SYNC: variants seen among roughly 807,000 people sequenced by gnomAD.
The protein encoded by SYNC is syncoilin, intermediate filament protein, also known as syncoilin.
Under a neutral mutation model 49.5 loss-of-function variants are expected in SYNC, and 38 were observed. The observed-to-expected ratio is 0.77, with a 90% confidence interval of 0.59 to 1.01. The LOEUF (loss-of-function observed/expected upper bound fraction) is 1.01. Ranked by LOEUF, SYNC falls within the 50% of genes least tolerant of loss-of-function variation. SYNC has a pLI of 0.00. For missense variants in SYNC, 579 were observed against 580.6 expected (o/e 1.00, Z 0.03); for synonymous variants, 201 against 230.8 (o/e 0.87, Z 1.17).
chr1:32,695,170 G>A lies in SYNC; in HGVS notation c.928C>T (p.Pro310Ser), dbSNP rs1462161287. 1 of 1,584,056 alleles carries A rather than the reference G, an allele frequency of 6.3e-7. No homozygotes were observed. The highest frequency in any genetic ancestry group is 8.6e-7 in the Non-Finnish European group (1 of 1,164,848). Residue 310 changes from proline to serine, a missense_variant, in exon 2 of 5, where the codon CCA (proline) becomes TCA (serine). By Grantham distance (74) the Pro-to-Ser change is moderately conservative. Coordinates refer to ENST00000409190, the MANE Select transcript of SYNC (RefSeq NM_030786.3). ...EQLRQQLEAP[P>S]SQRDGHFLQE... The stretch of plus-strand genomic sequence containing the variant: ...AGAAAGTGCCCATCCCTCTGGCTTG[G>A]AGGGGCTTCTAGTTGTTGCCGCAGC...
At chr1:32,694,326 C>T (rs969267061) in intron 2 of SYNC, among the ~76,000 whole-genome samples, 1 of 151,044 alleles carries the variant, frequency 6.6e-6, no homozygotes, top group Non-Finnish European at 1.5e-5. Context: ...GCCACTGCAC[C>T]AGCCTAAGTG....
In SYNC at chr1:32,695,762, G is replaced by A. The variant is rs970946357; in HGVS notation, c.336C>T (p.Thr112=). 7 of 1,551,470 alleles carry A rather than the reference G, an allele frequency of 4.5e-6. No homozygotes were observed. The African/African-American group carries it at 9.6e-5, about 21-fold the overall frequency. Reference sequence around the variant, plus strand: ...CAAACTGTATCCGATCTGGCTCCGTGGTTTCCTCCACACACACTGTCTCCT... The same window carrying A: ...CAAACTGTATCCGATCTGGCTCCGTAGTTTCCTCCACACACACTGTCTCCT... The part of the protein sequence containing the change: ...NPEETVCVEE[T]TEPDRIQFVE... The change falls in exon 2 of 5, where the codon ACC becomes ACT. Residue 112 remains threonine, a synonymous_variant. Transcript: ENST00000409190.
At chr1:32,684,222 G>GTA in intron 3 of SYNC, 36 bp downstream of exon 3, 1 of 1,613,582 alleles carries the variant, frequency 6.2e-7, no homozygotes, top group African/African-American at 1.3e-5. Flanking sequence ...CCCTCAGCCA[G>GTA]TATTAGATGA....
chr1:32,695,880 A>C lies in SYNC; in HGVS notation c.218T>G (p.Val73Gly). ...CTCCTCTGCCTTCTCAGTCTCTTGC[A>C]CATAGAGTGTCTCATCAAGGTCACC... ...DTGDLDETLY[V>G]QETEKAEEAL... Residue 73 changes from valine (V) to glycine (G), a missense_variant, in exon 2 of 5, where the codon GTG (valine) becomes GGG (glycine). Coordinates refer to ENST00000409190, the MANE Select transcript of SYNC (RefSeq NM_030786.3). The C allele has an allele frequency of 6.4e-7, 1 of 1,552,124 alleles. No individual in the cohort carries two copies. Among genetic ancestry groups the C allele is most frequent in the Non-Finnish European group, 8.7e-7 (1 of 1,147,082 alleles).
In SYNC at chr1:32,694,325, C is replaced by T. The variant is rs1650301270; in HGVS notation, c.1233+540G>A. Among the ~76,000 whole-genome samples, 5 of 151,434 alleles carry T rather than the reference C, an allele frequency of 3.3e-5. No individual in the cohort carries two copies. The Admixed American group carries it at 3.3e-4, about 10-fold the overall frequency. ...AGTTAGCTGTGATCATGCCACTGCA[C>T]CAGCCTAAGTGACAGCAAGACCCTG... On this transcript the variant is annotated intron_variant, in intron 2 of 4. Coordinates refer to ENST00000409190, the MANE Select transcript of SYNC (RefSeq NM_030786.3).
Position 32,695,216 on chromosome 1 carries a change from G to A in SYNC, c.882C>T (p.Ala294=). Residue 294 remains alanine, a synonymous_variant, in exon 2 of 5, where the codon GCC becomes GCT. Coordinates refer to ENST00000409190, the MANE Select transcript of SYNC (RefSeq NM_030786.3). ...GCAGCTGCTCCTTCTGCTTCTGATA[G>A]GCATCCCGGAGCTGGGCCAGTTCCT... ...LSEELAQLRD[A]YQKQKEQLRQ... 6.4e-7 allele frequency: 1 copy of A among 1,554,370 alleles called. No homozygotes were observed. The highest frequency in any genetic ancestry group is 1.4e-5 in the African/African-American group (1 of 73,162).
intron 1 of SYNC, among the ~76,000 whole-genome samples, chr1:32,698,767 G>GT (rs1278995523): frequency 3.3e-5 from 5 of 149,468 alleles, no homozygotes; most frequent in Non-Finnish European, 5.9e-5. Flanking sequence ...TCCTGTTTCT[G>GT]TTTTTTTGTT....
Position 32,695,356 on chromosome 1 carries a change from T to C in SYNC, c.742A>G (p.Lys248Glu), listed in dbSNP as rs749178855. The change falls in exon 2 of 5, where the codon AAA (lysine) becomes GAA (glutamate). Residue 248 changes from lysine (K) to glutamate (E), a missense_variant. Physicochemically the swap from Lys to Glu is moderately conservative, Grantham distance 56 (BLOSUM62 1). Transcript: ENST00000409190. ...EIRLVKQKLF[K>E]VTKECVAYQY... ...TAGGCCACACATTCCTTTGTCACTT[T>C]GAAAAGCTTCTGCTTGACCAGCCGG... 7.7e-6 allele frequency: 12 copies of C among 1,551,564 alleles called. No individual in the cohort carries two copies. Among genetic ancestry groups the C allele is most frequent in the Non-Finnish European group, 1.0e-5 (12 of 1,147,062 alleles).
At position 32,681,457 on chromosome 1, in the gene SYNC, C is replaced by A. The variant is rs1649430832; in HGVS notation, c.*393G>T. The A allele has an allele frequency of 4.9e-6, 1 of 204,798 alleles. No homozygotes were observed. Among genetic ancestry groups the A allele is most frequent in the Admixed American group, 5.8e-5 (1 of 17,174 alleles). The allele number at this position is 204,798 out of a possible 1,614,324, so 12.7% of individuals were successfully genotyped here. On this transcript the variant is annotated 3_prime_UTR_variant, in exon 5 of 5. Transcript: ENST00000409190. ...CTATCTTTTTGACCCCACATGTGCC[C>A]CTCAAAAATGTTTTTGGTTTGGGTC...
At chr1:32,684,584 C>T (rs530801144) in intron 2 of SYNC, 13 of 684,820 alleles carry the variant, frequency 1.9e-5, no homozygotes, top group Middle Eastern at 3.8e-4. Flanking sequence ...AAAATGATGA[C>T]GAAAAAGGCA....
intron 1 of SYNC, among the ~76,000 whole-genome samples, chr1:32,697,977 CT>C (rs1356069140): frequency 6.6e-6 from 1 of 152,130 alleles, no homozygotes; most frequent in African/African-American, 2.4e-5. Flanking sequence ...AATGCCAGCA[CT>C]TTGGGAGGCC....
At position 32,695,093 on chromosome 1, in the gene SYNC, G is replaced by T. The variant is rs1325086394; in HGVS notation, c.1005C>A (p.Ser335Arg). ...CATACTCCTCCTCCAGGTCCTGGCG[G>T]CTCTCTGCCATGAGATTTTCAAACT... Reference protein sequence around the residue: ...SAQFENLMAESRQDLEEEYEP... With the variant: ...SAQFENLMAERRQDLEEEYEP... Residue 335 changes from serine to arginine, a missense_variant, in exon 2 of 5, where the codon AGC becomes AGA. Physicochemically the swap from Ser to Arg is moderately radical, Grantham distance 110. Transcript: ENST00000409190. 1.2e-6 allele frequency: 2 copies of T among 1,613,104 alleles called. No homozygotes were observed. The highest frequency in any genetic ancestry group is 3.3e-5 in the Admixed American group (2 of 59,908).
intron 3 of SYNC, 42 bp downstream of exon 3, chr1:32,684,216 C>T (rs758216023): frequency 7.4e-6 from 12 of 1,610,952 alleles, no homozygotes; most frequent in East Asian, 6.7e-5. Context: ...ACCATCCCCT[C>T]AGCCAGTATT....
chr1:32,691,202 AGCG>A (rs1553200033), intron 2 of SYNC, among the ~76,000 whole-genome samples: 49 of 147,142 alleles, frequency 3.3e-4, no homozygotes, highest in Middle Eastern at 3.7e-3. Flanking sequence ...TGGGTGACAG[AGCG>A]AGACTCCTTC....
At chr1:32,685,158 T>C (rs1231548112) in intron 2 of SYNC, 1 of 152,220 alleles carries the variant, frequency 6.6e-6, no homozygotes, top group East Asian at 1.9e-4. Flanking sequence ...CTTATCCTTT[T>C]TTCATTACAC....
At chr1:32,683,920 A>G in intron 4 of SYNC, 90 bp downstream of exon 4, 1 of 1,340,106 alleles carries the variant, frequency 7.5e-7, no homozygotes, top group Non-Finnish European at 1.1e-6. Context: ...GGCGTGAGCC[A>G]CCCCGTCCGG....
intron 2 of SYNC, among the ~76,000 whole-genome samples, chr1:32,689,531 G>A (rs916953350): frequency 6.6e-6 from 1 of 151,952 alleles, no homozygotes; most frequent in Middle Eastern, 3.4e-3. Flanking sequence ...CCAGCACATA[G>A]CTCACTGCCT....
intron 2 of SYNC, chr1:32,686,315 TCTGTGTGCCTG>T (rs1649826814): frequency 6.6e-6 from 1 of 152,206 alleles, no homozygotes; most frequent in African/African-American, 2.4e-5. Context: ...ACAACTCAGA[TCTGTGTGCCTG>T]TGTTCCTGCC....
intron 4 of SYNC, chr1:32,682,161 C>G (rs975329231): frequency 1.9e-5 from 7 of 371,868 alleles, no homozygotes; most frequent in Non-Finnish European, 3.5e-5. Flanking sequence ...ACAATCTGAT[C>G]AACACAAAGG....
Sources: allele counts gnomAD v4.1 joint callset (sites outside exome capture counted in the v4.1 genomes callset), GRCh38; gene constraint gnomAD v4.1.1; transcripts MANE v1.5; gene names NCBI Gene and HGNC (gene_info 2026-07-23, HGNC 2026-07-21).